The following PPP2R2C variants were observed in gnomAD, a reference collection of about 807,000 sequenced individuals.
The protein encoded by PPP2R2C is protein phosphatase 2 regulatory subunit Bgamma, also known as protein phosphatase 2, regulatory subunit B, gamma.
A neutral mutation model predicts 45.3 loss-of-function variants in PPP2R2C; 10 were observed. The ratio of observed to expected loss-of-function variants is 0.22; its 90% CI spans 0.14 to 0.37. The LOEUF (loss-of-function observed/expected upper bound fraction) is 0.37, where lower values mean the gene tolerates loss of function less well. PPP2R2C is among the 10% of genes least tolerant of loss of function. The probability of loss-of-function intolerance (pLI) is 1.00; values close to 1 mark genes in which losing one functional copy is unlikely to be tolerated. For synonymous variants in PPP2R2C, 257 were observed against 245.4 expected (o/e 1.05, Z -0.44); for missense variants, 308 against 619.7 (o/e 0.50, Z 5.34).
At chr4:6,469,961 G>T (rs1167608325) in intron 1 of PPP2R2C, among the ~76,000 whole-genome samples, 1 of 152,226 alleles carries the variant, frequency 6.6e-6, no homozygotes, top group Non-Finnish European at 1.5e-5. Context: ...GCCTTGGTTT[G>T]TTCATCTCAA....
In PPP2R2C at chr4:6,381,017, T is replaced by G; in HGVS notation, c.148A>C (p.Ile50Leu). 2.6e-6 allele frequency: 4 copies of G among 1,547,958 alleles called. No homozygotes were observed. Among genetic ancestry groups the G allele is most frequent in the Non-Finnish European group, 3.5e-6 (4 of 1,142,146 alleles). Residue 50 changes from isoleucine (I) to leucine (L), a missense_variant, in exon 2 of 9, where the codon ATC becomes CTC. Physicochemically the swap from Ile to Leu is conservative, Grantham distance 5. Coordinates refer to ENST00000382599, the MANE Select transcript of PPP2R2C (RefSeq NM_020416.4). ...CGCACCTCTGGTTCCCGCTGGAAGA[T>G]GACGACCCGGCCGCCCTTGTCACCT... ...ATGDKGGRVV[I>L]FQREPESKNA...
At chr4:6,509,204 AT>A in intron 2 of PPP2R2C, among the ~76,000 whole-genome samples, 1 of 152,210 alleles carries the variant, frequency 6.6e-6, no homozygotes. Context: ...GGATTTTCCC[AT>A]GGTTGGGAAA....
At chr4:6,338,825 C>T (rs917655512) in intron 6 of PPP2R2C, among the ~76,000 whole-genome samples, 2 of 152,162 alleles carry the variant, frequency 1.3e-5, no homozygotes, top group Non-Finnish European at 2.9e-5. Context: ...CCCTGCCCCG[C>T]CATGTGCTGG....
intron 5 of PPP2R2C, chr4:6,351,422 G>C: frequency 1.0e-6 from 1 of 954,982 alleles, no homozygotes; most frequent in Non-Finnish European, 1.2e-6. Context: ...AGGGCCGGCT[G>C]AGGGGCACGG....
chr4:6,512,155 A>G (rs1333680407), intron 2 of PPP2R2C, among the ~76,000 whole-genome samples: 60 of 10,274 alleles, frequency 5.8e-3, no homozygotes, highest in African/African-American at 8.5e-3. Context: ...GGTAGTGGTG[A>G]TGGTGATGGT....
In PPP2R2C at chr4:6,560,581, T is replaced by C. The variant is rs139032288; in HGVS notation, c.-59+2979A>G. Among the ~76,000 whole-genome samples, 3 of 152,274 alleles carry C rather than the reference T, an allele frequency of 2.0e-5. No homozygotes were observed. In the East Asian group the frequency reaches 5.8e-4, roughly 29 times the overall value. ...AAAGCAGCTCATACCTAGGAAGCAC[T>C]GGAAGCGTCCCTGGATCCTACAAAG... is the stretch of plus-strand genomic sequence containing the variant. On this transcript the variant is annotated intron_variant, in intron 1 of 9. Transcript: ENST00000506140.
chr4:6,331,176 G>A lies in PPP2R2C; in HGVS notation c.961-1823C>T, dbSNP rs1411448389. Among the ~76,000 whole-genome samples the A allele has an allele frequency of 6.6e-6, 1 of 152,170 alleles. No individual in the cohort carries two copies. Among genetic ancestry groups the A allele is most frequent in the Non-Finnish European group, 1.5e-5 (1 of 68,036 alleles). On this transcript the variant is annotated intron_variant, in intron 7 of 8. Coordinates refer to ENST00000382599, the MANE Select transcript of PPP2R2C (RefSeq NM_020416.4). The surrounding 1 kb of genome is among the most constrained non-coding windows in gnomAD (Gnocchi z 5.9). ...TCCCAGCAGCCTTGGTGATGCACGC[G>A]TCCAAATGCGCATGCTGTTCTCTCT... is the stretch of plus-strand genomic sequence containing the variant.
In PPP2R2C at chr4:6,490,654, T is replaced by C. The variant is rs568607500; in HGVS notation, c.49+44617A>G. On this transcript the variant is annotated intron_variant, in intron 2 of 9. Transcript: ENST00000506140. ...ATCAGCCACATCCCCTAGAGTGAGGTGGGGAGGAAGACCCATGCTGTCTCA... is the reference window on the plus strand; with the variant it reads ...ATCAGCCACATCCCCTAGAGTGAGGCGGGGAGGAAGACCCATGCTGTCTCA... Among the ~76,000 whole-genome samples, 8 of 151,986 alleles carry C rather than the reference T, an allele frequency of 5.3e-5. No homozygotes were observed. In the East Asian group the frequency reaches 1.5e-3, roughly 29 times the overall value.
intron 1 of PPP2R2C, among the ~76,000 whole-genome samples, chr4:6,545,149 C>T (rs1031535581): frequency 3.9e-5 from 6 of 152,276 alleles, no homozygotes; most frequent in South Asian, 2.1e-4. Context: ...AAAAGTCAGG[C>T]CTATTGCCTC....
chr4:6,391,572 C>G (rs1716648169), intron 1 of PPP2R2C, among the ~76,000 whole-genome samples: 1 of 152,188 alleles, frequency 6.6e-6, no homozygotes, highest in Non-Finnish European at 1.5e-5. Flanking sequence ...GTGTTAAAGG[C>G]CATGGAAAAA....
At chr4:6,449,788 T>C (rs1720640634) in intron 1 of PPP2R2C, among the ~76,000 whole-genome samples, 1 of 152,192 alleles carries the variant, frequency 6.6e-6, no homozygotes, top group South Asian at 2.1e-4. Context: ...TCTTCTCTTC[T>C]CCTTTCACCC....
Position 6,347,901 on chromosome 4 carries a change from G to T in PPP2R2C, c.735C>A (p.Gly245=), listed in dbSNP as rs780686553. ...CNLFVYSSSK[G]SLRLCDMRAA... ...CCCGCATGTCGCAGAGCCGCAGGGAGCCCTTGCTGCTGCTGTAGACGAAGA... is the reference window on the plus strand; with the variant it reads ...CCCGCATGTCGCAGAGCCGCAGGGATCCCTTGCTGCTGCTGTAGACGAAGA... The change falls in exon 6 of 9, where the codon GGC becomes GGA. Residue 245 remains glycine (G), a synonymous_variant. Transcript: ENST00000382599. The T allele has an allele frequency of 6.2e-7, 1 of 1,613,814 alleles. No homozygotes were observed. Among genetic ancestry groups the T allele is most frequent in the African/African-American group, 1.3e-5 (1 of 74,888 alleles).
chr4:6,518,922 TAAAAAAAAAAAAAAA>T (rs56002128), intron 2 of PPP2R2C, among the ~76,000 whole-genome samples: 27 of 92,922 alleles, frequency 2.9e-4, no homozygotes, highest in African/African-American at 1.1e-3. Flanking sequence ...GACTCTGTCT[TAAAAAAAAAAAAAAA>T]AAAAAAAAAA....
At chr4:6,490,143 C>T (rs1324488525) in intron 2 of PPP2R2C, among the ~76,000 whole-genome samples, 2 of 152,192 alleles carry the variant, frequency 1.3e-5, no homozygotes, top group African/African-American at 2.4e-5. Context: ...CAAGAGGTGC[C>T]CAAAGGCCTG....
At chr4:6,555,134 T>G (rs1449758159) in intron 1 of PPP2R2C, among the ~76,000 whole-genome samples, 1 of 152,072 alleles carries the variant, frequency 6.6e-6, no homozygotes, top group African/African-American at 2.4e-5. Context: ...CGTCCTCACA[T>G]GGTAGATATC....
At chr4:6,466,412 C>A (rs73207852) in intron 1 of PPP2R2C, among the ~76,000 whole-genome samples, 8,415 of 152,270 alleles carry the variant, frequency 0.055, 267 homozygotes, top group East Asian at 0.13. Context: ...GGTTGCATAT[C>A]CATGAAGCCA....
chr4:6,507,926 A>T (rs1487087865), intron 2 of PPP2R2C, among the ~76,000 whole-genome samples: 1 of 152,200 alleles, frequency 6.6e-6, no homozygotes, highest in African/African-American at 2.4e-5. Context: ...CAGCTCTGAA[A>T]ATCCTTAGAC....
rs185908121 is a variant in PPP2R2C, at chr4:6,463,051, G to A, written c.70+9109C>T. On this transcript the variant is annotated intron_variant, in intron 1 of 8. Coordinates refer to ENST00000382599, the MANE Select transcript of PPP2R2C (RefSeq NM_020416.4). ...CCTTCTTAAACACTTTGGCCCAGAAGTGGCACAAATTTGAAAGTTTGCATC... is the reference window on the plus strand; with the variant it reads ...CCTTCTTAAACACTTTGGCCCAGAAATGGCACAAATTTGAAAGTTTGCATC... 2.3e-3 allele frequency among the ~76,000 whole-genome samples: 349 copies of A among 152,334 alleles called. 1 individual carries two copies. The highest frequency in any genetic ancestry group is 8.0e-3 in the African/African-American group (333 of 41,568).
chr4:6,522,371 T>C (rs1724054855), intron 2 of PPP2R2C, among the ~76,000 whole-genome samples: 1 of 151,992 alleles, frequency 6.6e-6, no homozygotes. Context: ...ACTGTAGAGG[T>C]GGGAAATTGA....
Sources: allele counts gnomAD v4.1 joint callset (sites outside exome capture counted in the v4.1 genomes callset), GRCh38; gene constraint gnomAD v4.1.1; non-coding constraint Gnocchi (gnomAD v3.1); transcripts MANE v1.5; gene names NCBI Gene and HGNC (gene_info 2026-07-23, HGNC 2026-07-21).